Variants in LRFN2 observed in about 807,000 individuals in gnomAD.
LRFN2 encodes leucine-rich repeat and fibronectin type-III domain-containing protein 2.
In LRFN2, 18 loss-of-function variants were observed where a neutral mutation model predicts 37.3. The observed-to-expected ratio is 0.48, with a 90% CI of 0.33 to 0.72. The LOEUF is 0.72. Ranked by LOEUF, LRFN2 falls within the 30% of genes least tolerant of loss-of-function variation. The pLI is 0.02. For synonymous variants in LRFN2, 556 were observed against 466.6 expected, an observed-to-expected ratio of 1.19 and a Z score of -2.47; for missense variants, 1,006 against 1,060.7, an observed-to-expected ratio of 0.95 and a Z score of 0.72.
chr6:40,400,773 C>T lies in LRFN2; in HGVS notation c.1401-7861G>A, dbSNP rs575590963. Among the ~76,000 whole-genome samples, 15 of 151,774 alleles carry T rather than the reference C, an allele frequency of 9.9e-5. No individual in the cohort carries two copies. In the South Asian group the frequency reaches 3.1e-3, roughly 32 times the overall value. On this transcript the variant is annotated intron_variant, in intron 2 of 2. Transcript: ENST00000338305. The stretch of plus-strand genomic sequence containing the variant: ...GGCTTACTGCAAGGGCTCCTGAAAA[C>T]CTTTCATGGATGTGCATATACATAT...
intron 1 of LRFN2, among the ~76,000 whole-genome samples, chr6:40,520,241 C>A (rs1766019089): frequency 1.3e-5 from 2 of 152,040 alleles, no homozygotes; most frequent in Non-Finnish European, 2.9e-5. Context: ...GATGATGCTG[C>A]AGTTCTGGCG....
At position 40,391,979 on chromosome 6, in the gene LRFN2, A is replaced by C; in HGVS notation, c.2334T>G (p.Phe778Leu). The C allele has an allele frequency of 6.3e-7, 1 of 1,596,450 alleles. No individual in the cohort carries two copies. The highest frequency in any genetic ancestry group is 1.7e-5 in the Admixed American group (1 of 58,434). The part of the protein sequence containing the change: ...ESDLVGARGT[F>L]GSSEWVMEST... ...TCTCCATCACCCATTCGGAGCTGCC[A>C]AAAGTCCCCCGGGCCCCCACCAGGT... Residue 778 changes from phenylalanine (F) to leucine (L), a missense_variant, in exon 3 of 3, where the codon TTT becomes TTG. Physicochemically the swap from Phe to Leu is conservative, Grantham distance 22. Transcript: ENST00000338305.
At chr6:40,416,605 C>T (rs1468638149) in intron 2 of LRFN2, among the ~76,000 whole-genome samples, 2 of 152,184 alleles carry the variant, frequency 1.3e-5, no homozygotes, top group Non-Finnish European at 2.9e-5. Context: ...AAATAAGCAA[C>T]TGGACTGGTC....
chr6:40,577,883 T>C (rs2473588), intron 1 of LRFN2, among the ~76,000 whole-genome samples: 77,303 of 150,948 alleles, frequency 0.51, 20,219 homozygotes, highest in Middle Eastern at 0.6. Context: ...AGGAGCAGCC[T>C]TGGGACAAAG....
chr6:40,556,528 G>T (rs1766883434), intron 1 of LRFN2, among the ~76,000 whole-genome samples: 1 of 152,144 alleles, frequency 6.6e-6, no homozygotes, highest in African/African-American at 2.4e-5. Context: ...TTCTGCAGAA[G>T]ACTTTGCCAT....
rs757172495 is a variant in LRFN2, at chr6:40,431,815, G to T, written c.1299C>A (p.Thr433=). 3.2e-6 allele frequency: 5 copies of T among 1,552,560 alleles called. No homozygotes were observed. Among genetic ancestry groups the T allele is most frequent in the African/African-American group, 1.4e-5 (1 of 73,542 alleles). ...CAGACCACTTGACCAGGGCCGAGGTGGTGGTCACTTCAGACACAAGCACAG... is the reference window on the plus strand; with the variant it reads ...CAGACCACTTGACCAGGGCCGAGGTTGTGGTCACTTCAGACACAAGCACAG... ...ERAVLVSEVT[T]TSALVKWSVS... The change falls in exon 2 of 3, where the codon ACC becomes ACA. Residue 433 remains threonine, a synonymous_variant. Transcript: ENST00000338305.
At chr6:40,410,980 G>C (rs1762953269) in intron 2 of LRFN2, among the ~76,000 whole-genome samples, 2 of 152,228 alleles carry the variant, frequency 1.3e-5, no homozygotes, top group Non-Finnish European at 2.9e-5. Context: ...TGGGGACAAT[G>C]AACACAGAAC....
chr6:40,430,684 A>G (rs1312499262), intron 2 of LRFN2, among the ~76,000 whole-genome samples: 1 of 152,188 alleles, frequency 6.6e-6, no homozygotes, highest in East Asian at 1.9e-4. Context: ...TACCAGACCT[A>G]GGAAATGACC....
intron 1 of LRFN2, among the ~76,000 whole-genome samples, chr6:40,453,556 C>T (rs577445488): frequency 5.0e-5 from 7 of 138,696 alleles, no homozygotes; most frequent in Middle Eastern, 3.7e-3. Context: ...ACACACACAC[C>T]TCCCTTTGAG....
At chr6:40,575,231 G>A (rs940573170) in intron 1 of LRFN2, among the ~76,000 whole-genome samples, 27 of 150,826 alleles carry the variant, frequency 1.8e-4, no homozygotes, top group African/African-American at 5.8e-4. Flanking sequence ...GGCAGAGTGC[G>A]CAGAACCCCC....
At chr6:40,439,061 A>T (rs1423604804) in intron 1 of LRFN2, among the ~76,000 whole-genome samples, 1 of 151,704 alleles carries the variant, frequency 6.6e-6, no homozygotes, top group Non-Finnish European at 1.5e-5. Flanking sequence ...TCCTCCCCTC[A>T]CTCCCCTCCC....
chr6:40,533,731 C>G (rs1766396235), intron 1 of LRFN2, among the ~76,000 whole-genome samples: 1 of 152,118 alleles, frequency 6.6e-6, no homozygotes, highest in Non-Finnish European at 1.5e-5. Context: ...AAGTATTGCA[C>G]CCACAGAAAA....
chr6:40,448,042 G>A (rs371360082), intron 1 of LRFN2, among the ~76,000 whole-genome samples: 1 of 152,186 alleles, frequency 6.6e-6, no homozygotes, highest in Admixed American at 6.5e-5. Context: ...CCAGCCTTTA[G>A]GTGTCAAAAG....
chr6:40,482,607 C>T (rs1176657843), intron 1 of LRFN2, among the ~76,000 whole-genome samples: 2 of 152,222 alleles, frequency 1.3e-5, no homozygotes, highest in African/African-American at 4.8e-5. Context: ...AAAGATGTCC[C>T]TAGTCTGTGG....
At chr6:40,516,056 G>T (rs1448664656) in intron 1 of LRFN2, among the ~76,000 whole-genome samples, 1 of 152,084 alleles carries the variant, frequency 6.6e-6, no homozygotes, top group African/African-American at 2.4e-5. Context: ...TTGAAAACCT[G>T]CCCTTTGTGG....
Position 40,572,223 on chromosome 6 carries a change from GCCTTAGGTTGT to G in LRFN2, c.-19+14707_-19+14717del, listed in dbSNP as rs1767202459. Among the ~76,000 whole-genome samples the G allele has an allele frequency of 2.6e-5, 4 of 152,274 alleles. No individual in the cohort carries two copies. In the South Asian group the frequency reaches 8.3e-4, roughly 32 times the overall value. ...TGATAGTTAAAATAACAGTACCTGT[GCCTTAGGTTGT>G]CATGGGCAATAAATTAGATAATAAG... On this transcript the variant is annotated intron_variant, in intron 1 of 2. Coordinates refer to ENST00000338305, the MANE Select transcript of LRFN2 (RefSeq NM_020737.3).
At chr6:40,572,985 G>A (rs945091056) in intron 1 of LRFN2, among the ~76,000 whole-genome samples, 15 of 152,304 alleles carry the variant, frequency 9.8e-5, no homozygotes, top group East Asian at 7.7e-4. Context: ...CTGCATAGCC[G>A]CCCCAGTGAT....
intron 1 of LRFN2, among the ~76,000 whole-genome samples, chr6:40,510,026 T>C (rs1455928726): frequency 6.8e-6 from 1 of 146,918 alleles, no homozygotes; most frequent in East Asian, 2.1e-4. Flanking sequence ...CATGCGGGTA[T>C]GCCAGGGAAC....
intron 1 of LRFN2, among the ~76,000 whole-genome samples, chr6:40,447,378 C>T (rs1263948978): frequency 6.6e-6 from 1 of 152,160 alleles, no homozygotes; most frequent in Non-Finnish European, 1.5e-5. Context: ...TTCTGCCTCA[C>T]TCTCAGGCTC....
Sources: gnomAD v4.1 joint callset for allele counts (sites outside exome capture counted in the v4.1 genomes callset) on GRCh38, gnomAD v4.1.1 for gene constraint, MANE v1.5 for transcripts, NCBI Gene and HGNC (gene_info 2026-07-23, HGNC 2026-07-21) for gene names.